The following SLC2A13 variants were observed in gnomAD, a reference collection of about 807,000 sequenced individuals.
The protein encoded by SLC2A13 is solute carrier family 2 member 13.
In SLC2A13, 32 loss-of-function variants were observed where a neutral mutation model predicts 64.4. That is an observed-to-expected ratio of 0.50 (90% CI 0.37 to 0.67). The LOEUF (loss-of-function observed/expected upper bound fraction) is 0.67. Among genes scored for constraint, SLC2A13 ranks in the 30% least tolerant of loss-of-function variants. SLC2A13 has a pLI of 0.00. For synonymous variants in SLC2A13, 338 were observed against 327.1 expected (o/e 1.03, Z -0.36); for missense variants, 743 against 829.2 (o/e 0.90, Z 1.28).
At chr12:39,916,992 C>A (rs1370930539) in intron 4 of SLC2A13, among the ~76,000 whole-genome samples, 1 of 152,034 alleles carries the variant, frequency 6.6e-6, no homozygotes, top group South Asian at 2.1e-4. Flanking sequence ...ATTATACCAG[C>A]CCCTATTAAA....
At chr12:39,882,206 G>C (rs1167736080) in intron 4 of SLC2A13, among the ~76,000 whole-genome samples, 1 of 152,070 alleles carries the variant, frequency 6.6e-6, no homozygotes, top group African/African-American at 2.4e-5. Context: ...AGATATTGGT[G>C]TGCTACAGGA....
Position 40,105,189 on chromosome 12 carries a change from A to C in SLC2A13, c.556+64T>G. The C allele has an allele frequency of 1.7e-5, 25 of 1,449,030 alleles. No homozygotes were observed. The highest frequency in any genetic ancestry group is 2.3e-5 in the Non-Finnish European group (25 of 1,105,490). The allele number at this position is 1,449,030 out of a possible 1,614,324, so 89.8% of individuals were successfully genotyped here. On this transcript the variant is annotated intron_variant, in intron 1 of 9. Coordinates refer to ENST00000280871, the MANE Select transcript of SLC2A13 (RefSeq NM_052885.4). The surrounding 1 kb of genome is among the most constrained non-coding windows in gnomAD (Gnocchi z 4.2). ...GGACCCCGATGGGCAAGAGGCACGCAACACCCAGGGTCAAGGGCGGTGACA... is the reference window on the plus strand; with the variant it reads ...GGACCCCGATGGGCAAGAGGCACGCCACACCCAGGGTCAAGGGCGGTGACA...
chr12:39,976,471 T>C (rs1303467646), intron 3 of SLC2A13, among the ~76,000 whole-genome samples: 1 of 152,240 alleles, frequency 6.6e-6, no homozygotes, highest in Non-Finnish European at 1.5e-5. Flanking sequence ...CATTTATTAA[T>C]TCCACGATTC....
chr12:39,790,554 C>T (rs375292801), intron 7 of SLC2A13, among the ~76,000 whole-genome samples: 1 of 148,026 alleles, frequency 6.8e-6, no homozygotes, highest in African/African-American at 2.5e-5. Flanking sequence ...TGAACTCATC[C>T]TTTTTTATGG....
chr12:40,007,261 T>G (rs1357999349), intron 3 of SLC2A13, among the ~76,000 whole-genome samples: 1 of 152,200 alleles, frequency 6.6e-6, no homozygotes, highest in African/African-American at 2.4e-5. Flanking sequence ...TCCTTATACA[T>G]TAGGTTATTT....
chr12:40,068,496 T>C, intron 1 of SLC2A13: 1 of 272,618 alleles, frequency 3.7e-6, no homozygotes, highest in Non-Finnish European at 7.4e-6. Flanking sequence ...CAGAATCTGC[T>C]TGTACCCCAG....
intron 4 of SLC2A13, among the ~76,000 whole-genome samples, chr12:39,898,947 T>A (rs922788096): frequency 2.0e-5 from 3 of 152,172 alleles, no homozygotes; most frequent in Non-Finnish European, 2.9e-5. Flanking sequence ...ATTCTCTTTT[T>A]TCGTTGTGTC....
chr12:39,896,446 A>G (rs918974632), intron 4 of SLC2A13, among the ~76,000 whole-genome samples: 19 of 131,942 alleles, frequency 1.4e-4, no homozygotes, highest in Middle Eastern at 0.01. Flanking sequence ...ACATATATGT[A>G]TATGTGTGTA....
intron 3 of SLC2A13, among the ~76,000 whole-genome samples, chr12:39,960,669 G>A (rs891568828): frequency 5.3e-5 from 8 of 151,416 alleles, no homozygotes; most frequent in African/African-American, 1.7e-4. Flanking sequence ...GTGAGCCACC[G>A]CGCCCGGCCT....
chr12:40,106,009 C>T lies in SLC2A13; in HGVS notation c.-201G>A. On this transcript the variant is annotated 5_prime_UTR_variant, in exon 1 of 10. Coordinates refer to ENST00000280871, the MANE Select transcript of SLC2A13 (RefSeq NM_052885.4). ...TGCTGCCCGCCGCGCTCCGACGCTG[C>T]GGAGTTGGAGCCCGGCGGGTCTCAC... 3.7e-6 allele frequency: 2 copies of T among 545,626 alleles called. No individual in the cohort carries two copies. Among genetic ancestry groups the T allele is most frequent in the Non-Finnish European group, 5.7e-6 (2 of 352,206 alleles). 33.8% of individuals were successfully genotyped at this position (545,626 alleles called of 1,614,324 possible). A position where few individuals can be genotyped will look rare whatever the true frequency, so the allele number is the denominator to read the frequency against.
chr12:39,856,197 C>T (rs1019664066), intron 6 of SLC2A13, among the ~76,000 whole-genome samples: 1 of 152,022 alleles, frequency 6.6e-6, no homozygotes, highest in Non-Finnish European at 1.5e-5. Context: ...GCACCATCTA[C>T]CTTCTCTTAT....
At chr12:40,002,845 C>G (rs1947343064) in intron 3 of SLC2A13, among the ~76,000 whole-genome samples, 1 of 74,086 alleles carries the variant, frequency 1.3e-5, no homozygotes, top group Non-Finnish European at 2.8e-5. Context: ...GTGTATATTC[C>G]CCTAAAAAAA....
intron 4 of SLC2A13, among the ~76,000 whole-genome samples, chr12:39,874,291 G>C (rs2135944729): frequency 6.6e-6 from 1 of 152,224 alleles, no homozygotes; most frequent in Admixed American, 6.5e-5. Flanking sequence ...ACAGACATAA[G>C]TACTTCACCT....
chr12:39,929,147 G>A (rs905334792), intron 4 of SLC2A13, among the ~76,000 whole-genome samples: 6 of 152,132 alleles, frequency 3.9e-5, no homozygotes, highest in Non-Finnish European at 1.5e-5. Context: ...ACCCAAGTCT[G>A]GGGACTGAAT....
At chr12:39,997,846 C>T (rs1223800285) in intron 3 of SLC2A13, among the ~76,000 whole-genome samples, 1 of 151,876 alleles carries the variant, frequency 6.6e-6, no homozygotes, top group Non-Finnish European at 1.5e-5. Context: ...AAAAGAATTG[C>T]CATAATCAAA....
At chr12:39,822,587 T>C (rs1375334348) in intron 7 of SLC2A13, among the ~76,000 whole-genome samples, 3 of 152,186 alleles carry the variant, frequency 2.0e-5, no homozygotes, top group Admixed American at 2.0e-4. Context: ...CTTGCCCCAA[T>C]GTTTGATGAA....
intron 4 of SLC2A13, among the ~76,000 whole-genome samples, chr12:39,922,821 T>C (rs1407454650): frequency 3.3e-5 from 5 of 151,292 alleles, no homozygotes; most frequent in Admixed American, 3.3e-4. Flanking sequence ...TTTGCAAAAC[T>C]TGCAAAAGCT....
At chr12:40,090,572 G>A (rs769150123) in intron 1 of SLC2A13, among the ~76,000 whole-genome samples, 3 of 151,500 alleles carry the variant, frequency 2.0e-5, no homozygotes, top group African/African-American at 2.4e-5. Context: ...CTATAATTCT[G>A]TATTCTTAAT....
chr12:40,069,105 T>G (rs1316067554), intron 1 of SLC2A13, among the ~76,000 whole-genome samples: 1 of 152,038 alleles, frequency 6.6e-6, no homozygotes, highest in African/African-American at 2.4e-5. Context: ...ATAAAAATAA[T>G]GTATAAGGAG....
Sources: gnomAD v4.1 joint callset for allele counts (sites outside exome capture counted in the v4.1 genomes callset) on GRCh38, gnomAD v4.1.1 for gene constraint, Gnocchi (gnomAD v3.1) non-coding constraint, MANE v1.5 for transcripts, NCBI Gene and HGNC (gene_info 2026-07-23, HGNC 2026-07-21) for gene names.